The following WASHC4 variants were observed in gnomAD, a reference collection of about 807,000 sequenced individuals.
WASHC4 encodes WASH complex subunit 4, also known as WASH complex subunit 7.
In WASHC4, 86 loss-of-function variants were observed where a neutral mutation model predicts 166.6. The ratio of observed to expected loss-of-function variants is 0.52; its 90% confidence interval spans 0.43 to 0.62. The LOEUF (loss-of-function observed/expected upper bound fraction) is 0.62. WASHC4 is among the 20% of genes least tolerant of loss of function. WASHC4 has a pLI of 0.00. For synonymous variants in WASHC4, 446 were observed against 451.6 expected, an observed-to-expected ratio of 0.99 and a Z score of 0.16; for missense variants, 1,262 against 1,382.4, an observed-to-expected ratio of 0.91 and a Z score of 1.38.
chr12:105,122,656 C>G (rs1880873892), intron 10 of WASHC4, among the ~76,000 whole-genome samples: 1 of 151,974 alleles, frequency 6.6e-6, no homozygotes, highest in Non-Finnish European at 1.5e-5. Flanking sequence ...CACTTTGTCT[C>G]TGTGTCACAT....
chr12:105,134,776 G>GT lies in WASHC4; in HGVS notation c.1326+889dup, dbSNP rs571351325. On this transcript the variant is annotated intron_variant, in intron 14 of 32. Coordinates refer to ENST00000332180, the MANE Select transcript of WASHC4 (RefSeq NM_015275.3). ...ATTTTTCTCCTATCTGATAATCTTT[G>GT]TTTTTTTTTCTTCATAGTACTATTT... 1.7e-4 allele frequency among the ~76,000 whole-genome samples: 25 copies of GT among 148,302 alleles called. No individual in the cohort carries two copies. The East Asian group carries it at 4.0e-3, about 24-fold the overall frequency.
intron 13 of WASHC4, among the ~76,000 whole-genome samples, chr12:105,127,657 C>T (rs975108489): frequency 6.6e-6 from 1 of 152,046 alleles, no homozygotes; most frequent in Non-Finnish European, 1.5e-5. Flanking sequence ...TTGAGTTTTT[C>T]TTGATGTGCT....
intron 4 of WASHC4, 68 bp downstream of exon 4, chr12:105,114,495 T>C: frequency 3.1e-6 from 3 of 966,148 alleles, no homozygotes; most frequent in Non-Finnish European, 4.8e-6. Flanking sequence ...TGTTTATATA[T>C]GTACAGTGTG....
At position 105,132,795 on chromosome 12, in the gene WASHC4, T is replaced by A. The variant is rs1300495342; in HGVS notation, c.1200-975T>A. Among the ~76,000 whole-genome samples, 306 of 76,754 alleles carry A rather than the reference T, an allele frequency of 4.0e-3. 1 individual carries two copies. Among genetic ancestry groups the A allele is most frequent in the African/African-American group, 0.014 (295 of 21,290 alleles). 50.4% of individuals were successfully genotyped at this position (76,754 alleles called of 152,430 possible). A position where few individuals can be genotyped will look rare whatever the true frequency, so the allele number is the denominator to read the frequency against. On this transcript the variant is annotated intron_variant, in intron 13 of 32. Transcript: ENST00000332180. ...TGAGGGGTGAAAGAGGTAGTGTGTGTGTGTGTGTGTGTGTGTGTGTGTGTG... is the reference window on the plus strand; with the variant it reads ...TGAGGGGTGAAAGAGGTAGTGTGTGAGTGTGTGTGTGTGTGTGTGTGTGTG...
intron 13 of WASHC4, among the ~76,000 whole-genome samples, chr12:105,129,922 C>T (rs1041030285): frequency 5.3e-5 from 8 of 152,126 alleles, no homozygotes; most frequent in African/African-American, 1.4e-4. Flanking sequence ...AACAGCCTTC[C>T]GGCAGAAAAT....
At chr12:105,143,030 C>A (rs370319449) in intron 19 of WASHC4, 97 bp from the exon 20 acceptor site, 7 of 756,420 alleles carry the variant, frequency 9.3e-6, no homozygotes, top group Non-Finnish European at 1.6e-5. Context: ...TCCTTCAGAT[C>A]GAGGTTTTGT....
intron 24 of WASHC4, 78 bp downstream of exon 24, chr12:105,147,224 T>TG: frequency 1.2e-6 from 1 of 854,914 alleles, no homozygotes; most frequent in Non-Finnish European, 2.0e-6. Flanking sequence ...CATAGAATAT[T>TG]GCGGTAAACA....
chr12:105,166,953 A>G lies in WASHC4; in HGVS notation c.*22A>G, dbSNP rs372191710. On this transcript the variant is annotated 3_prime_UTR_variant, in exon 33 of 33. Transcript: ENST00000332180. Reference sequence around the variant, plus strand: ...ATGATACGGATGGTATTCACTGCACATATGATGAAATCATCAGAATTGTTA... The same window carrying G: ...ATGATACGGATGGTATTCACTGCACGTATGATGAAATCATCAGAATTGTTA... 52 of 1,500,740 alleles carry G rather than the reference A, an allele frequency of 3.5e-5. No homozygotes were observed. The African/African-American group carries it at 5.6e-4, about 16-fold the overall frequency. The allele number at this position is 1,500,740 out of a possible 1,614,324, so 93.0% of individuals were successfully genotyped here.
rs565027918 is a variant in WASHC4 at position 105,112,393 on chromosome 12, T to C, written c.201+1129T>C. 2.6e-4 allele frequency among the ~76,000 whole-genome samples: 39 copies of C among 152,334 alleles called. 1 individual carries two copies. The South Asian group carries it at 8.1e-3, about 32-fold the overall frequency. On this transcript the variant is annotated intron_variant, in intron 2 of 32. Coordinates refer to ENST00000332180, the MANE Select transcript of WASHC4 (RefSeq NM_015275.3). Reference sequence around the variant, plus strand: ...TAGACATATATAAGTATATTGTATATAAAATGTGTGTACATTGTGTGTATA... The same window carrying C: ...TAGACATATATAAGTATATTGTATACAAAATGTGTGTACATTGTGTGTATA...
intron 24 of WASHC4, 144 bp from the exon 25 acceptor site, chr12:105,149,471 C>T: frequency 9.8e-7 from 1 of 1,025,398 alleles, no homozygotes; most frequent in Admixed American, 4.2e-5. Context: ...TAAATATTTT[C>T]AGGTCCAATA....
At chr12:105,109,356 A>G (rs1341912270) in intron 1 of WASHC4, among the ~76,000 whole-genome samples, 3 of 152,210 alleles carry the variant, frequency 2.0e-5, no homozygotes, top group Admixed American at 6.5e-5. Context: ...CACTCAACAG[A>G]TATTTTCTAC....
intron 14 of WASHC4, 37 bp from the exon 15 acceptor site, chr12:105,137,849 C>T: frequency 6.4e-7 from 1 of 1,557,990 alleles, no homozygotes. Context: ...TGAAGAAAAT[C>T]TTTCCTTGTG....
chr12:105,111,012 A>G (rs947935254), intron 1 of WASHC4, 113 bp from the exon 2 acceptor site: 2 of 767,030 alleles, frequency 2.6e-6, no homozygotes, highest in African/African-American at 1.7e-5. Context: ...AAGTCCAGAC[A>G]TTCCAGAGTA....
At chr12:105,126,437 C>T in intron 12 of WASHC4, 75 bp downstream of exon 12, 1 of 1,115,756 alleles carries the variant, frequency 9.0e-7, no homozygotes, top group Non-Finnish European at 1.3e-6. Flanking sequence ...TTTTAAAATG[C>T]ATTTTATTCC....
intron 21 of WASHC4, 119 bp from the exon 22 acceptor site, chr12:105,144,599 A>G: frequency 6.1e-6 from 7 of 1,150,726 alleles, no homozygotes; most frequent in Non-Finnish European, 8.7e-6. Context: ...ATTTTTATTA[A>G]TACCTTATTT....
intron 8 of WASHC4, 39 bp downstream of exon 8, chr12:105,120,636 T>C: frequency 7.3e-7 from 1 of 1,374,168 alleles, no homozygotes; most frequent in South Asian, 1.2e-5. Context: ...ACTGTAATTA[T>C]TACTATATTT....
chr12:105,119,573 A>C (rs1880524375), intron 7 of WASHC4, among the ~76,000 whole-genome samples: 1 of 151,988 alleles, frequency 6.6e-6, no homozygotes, highest in East Asian at 1.9e-4. Flanking sequence ...TTAGGTATTT[A>C]TTTTATGTTC....
intron 14 of WASHC4, among the ~76,000 whole-genome samples, chr12:105,135,129 G>A (rs984003155): frequency 6.6e-6 from 1 of 151,894 alleles, no homozygotes; most frequent in Admixed American, 6.6e-5. Context: ...CTGTTGTTGT[G>A]TACTTTGAGT....
In WASHC4 at chr12:105,107,738, G is replaced by A. The variant is rs1592829664; in HGVS notation, c.-63G>A. The A allele has an allele frequency of 3.3e-6, 4 of 1,227,920 alleles. No homozygotes were observed. The highest frequency in any genetic ancestry group is 1.3e-5 in the South Asian group (1 of 76,374). The allele number at this position is 1,227,920 out of a possible 1,614,324, so 76.1% of individuals were successfully genotyped here. A position where few individuals can be genotyped will look rare whatever the true frequency, so the allele number is the denominator to read the frequency against. On this transcript the variant is annotated 5_prime_UTR_variant, in exon 1 of 33. Coordinates refer to ENST00000332180, the MANE Select transcript of WASHC4 (RefSeq NM_015275.3). ...GAAGTCACGTGCTGTGACAGTAGCT[G>A]GGGTGAGGCCGTCGTCGCCGCACGG...
Sources: gnomAD v4.1 joint callset for allele counts (sites outside exome capture counted in the v4.1 genomes callset) on GRCh38, gnomAD v4.1.1 for gene constraint, MANE v1.5 for transcripts, NCBI Gene and HGNC (gene_info 2026-07-23, HGNC 2026-07-21) for gene names.